ATP1A1: variants seen among roughly 807,000 people sequenced by gnomAD.
The protein encoded by ATP1A1 is sodium/potassium-transporting ATPase subunit alpha-1.
A neutral mutation model predicts 114.8 loss-of-function variants in ATP1A1; 14 were observed. That is an observed-to-expected ratio of 0.12 (90% confidence interval 0.08 to 0.19). The LOEUF (loss-of-function observed/expected upper bound fraction) is 0.19, where lower values mean the gene tolerates loss of function less well. Ranked by LOEUF, ATP1A1 falls within the 10% of genes least tolerant of loss-of-function variation. The pLI is 1.00. For synonymous variants in ATP1A1, 471 were observed against 466.3 expected, an observed-to-expected ratio of 1.01 and a Z score of -0.13; for missense variants, 524 against 1,290.7, an observed-to-expected ratio of 0.41 and a Z score of 9.10.
In ATP1A1 at chr1:116,403,966, C is replaced by T. The variant is rs777250534; in HGVS notation, c.3034C>T (p.Arg1012Cys). The T allele has an allele frequency of 2.2e-5, 36 of 1,613,874 alleles. No homozygotes were observed. Among genetic ancestry groups the T allele is most frequent in the East Asian group, 4.5e-5 (2 of 44,890 alleles). The change falls in exon 22 of 23, where the codon CGC (arginine) becomes TGC (cysteine). Residue 1012 changes from arginine (R) to cysteine (C), a missense_variant. Coordinates refer to ENST00000295598, the MANE Select transcript of ATP1A1 (RefSeq NM_000701.8). ...AGTCAGAAAACTCATCATCAGGCGA[C>T]GCCCTGGCGGTAATTATGGGCATTC... ...DEVRKLIIRRRPGGWVEKETY... is the reference protein window; with the variant it reads ...DEVRKLIIRRCPGGWVEKETY...
chr1:116,374,284 A>G (rs1443749943), intron 1 of ATP1A1: 2 of 1,551,610 alleles, frequency 1.3e-6, no homozygotes, highest in Admixed American at 2.0e-5. Context: ...CCGTAAACAC[A>G]GGATGCACCG....
chr1:116,392,749 C>T (rs1652568768), intron 10 of ATP1A1, 105 bp from the exon 11 acceptor site: 1 of 1,397,270 alleles, frequency 7.2e-7, no homozygotes, highest in Non-Finnish European at 9.7e-7. Context: ...TCCTCTGCTA[C>T]CTCTGACAAG....
intron 21 of ATP1A1, among the ~76,000 whole-genome samples, chr1:116,402,863 TC>T (rs1316206126): frequency 2.0e-5 from 3 of 152,210 alleles, no homozygotes; most frequent in African/African-American, 7.2e-5. Flanking sequence ...TAGGTTTTAA[TC>T]TAGAAGGCAT....
intron 1 of ATP1A1, chr1:116,374,124 C>T (rs551148528): frequency 1.5e-4 from 224 of 1,541,004 alleles, no homozygotes; most frequent in Non-Finnish European, 1.9e-4. Context: ...TAGCTTGCTC[C>T]GCGCAGAGGC....
rs552247746 is a variant in ATP1A1 at position 116,373,459 on chromosome 1, C to T, written c.-53C>T. ...CGGCCGGGAGCTGCTCTGTGCTTTTCTCTCTGATTCTCCAGCGACAGGACC... is the reference window on the plus strand; with the variant it reads ...CGGCCGGGAGCTGCTCTGTGCTTTTTTCTCTGATTCTCCAGCGACAGGACC... On this transcript the variant is annotated 5_prime_UTR_variant, in exon 1 of 23. Coordinates refer to ENST00000295598, the MANE Select transcript of ATP1A1 (RefSeq NM_000701.8). 2 of 1,467,456 alleles carry T rather than the reference C, an allele frequency of 1.4e-6. No individual in the cohort carries two copies. Among genetic ancestry groups the T allele is most frequent in the South Asian group, 2.5e-5 (2 of 80,272 alleles). The allele number at this position is 1,467,456 out of a possible 1,614,324, so 90.9% of individuals were successfully genotyped here.
chr1:116,401,557 C>T lies in ATP1A1; in HGVS notation c.2853C>T (p.Asn951=). 5 of 1,613,882 alleles carry T rather than the reference C, an allele frequency of 3.1e-6. No individual in the cohort carries two copies. Among genetic ancestry groups the T allele is most frequent in the Middle Eastern group, 1.6e-4 (1 of 6,084 alleles). The change falls in exon 21 of 23, where the codon AAC becomes AAT. Residue 951 remains asparagine, a synonymous_variant. Coordinates refer to ENST00000295598, the MANE Select transcript of ATP1A1 (RefSeq NM_000701.8). The surrounding 1 kb of genome is among the most constrained non-coding windows in gnomAD (Gnocchi z 4.7). ...TTCTCCCCTACTTTGATTTTAGGAA[C>T]AAGATCTTGATATTTGGCCTCTTTG... ...RNSVFQQGMK[N]KILIFGLFEE...
rs778261406 is a variant in ATP1A1 at position 116,384,804 on chromosome 1, G to C, written c.145G>C (p.Asp49His). 3 of 1,613,066 alleles carry C rather than the reference G, an allele frequency of 1.9e-6. No homozygotes were observed. Among genetic ancestry groups the C allele is most frequent in the Non-Finnish European group, 2.5e-6 (3 of 1,179,656 alleles). Residue 49 changes from aspartate (D) to histidine (H), a missense_variant, in exon 3 of 23, where the codon GAT becomes CAT. By Grantham distance (81) the Asp-to-His change is moderately conservative. Coordinates refer to ENST00000295598, the MANE Select transcript of ATP1A1 (RefSeq NM_000701.8). This position sits in a 1 kb window ranked among gnomAD's most constrained non-coding sequence, Gnocchi z 5.1. ...VSMDDHKLSL[D>H]ELHRKYGTDL... ...TTAGGATGATCATAAACTTAGCCTT[G>C]ATGAACTTCATCGTAAATATGGAAC... is the stretch of plus-strand genomic sequence containing the variant.
chr1:116,401,303 G>A lies in ATP1A1; in HGVS notation c.2849+43G>A. On this transcript the variant is annotated intron_variant, in intron 20 of 22. Coordinates refer to ENST00000295598, the MANE Select transcript of ATP1A1 (RefSeq NM_000701.8). This position sits in a 1 kb window ranked among gnomAD's most constrained non-coding sequence, Gnocchi z 4.7. Reference sequence around the variant, plus strand: ...TGTCAAGGCCTTGGCTCAAAGAAGGGGACTGGTGATTTGTAAACCCTTTGC... The same window carrying A: ...TGTCAAGGCCTTGGCTCAAAGAAGGAGACTGGTGATTTGTAAACCCTTTGC... The A allele has an allele frequency of 6.2e-6, 10 of 1,611,078 alleles. No homozygotes were observed. Among genetic ancestry groups the A allele is most frequent in the Non-Finnish European group, 8.5e-6 (10 of 1,177,482 alleles).
Position 116,387,934 on chromosome 1 carries a change from A to G in ATP1A1, c.388-197A>G, listed in dbSNP as rs1054945649. ...TTTCCAAACGTCCAGTTAGTGATCA[A>G]GTGTTGGTGTGCCTGACTCCATTTC... On this transcript the variant is annotated intron_variant, in intron 4 of 22. Coordinates refer to ENST00000295598, the MANE Select transcript of ATP1A1 (RefSeq NM_000701.8). This position sits in a 1 kb window ranked among gnomAD's most constrained non-coding sequence, Gnocchi z 6.7. Among the ~76,000 whole-genome samples the G allele has an allele frequency of 5.9e-5, 9 of 152,224 alleles. No homozygotes were observed. Among genetic ancestry groups the G allele is most frequent in the Non-Finnish European group, 1.3e-4 (9 of 68,038 alleles).
At position 116,393,445 on chromosome 1, in the gene ATP1A1, C is replaced by T; in HGVS notation, c.1468-86C>T. ...GATCTTGGGTCTTTTATAGCAAATA[C>T]TAAATAGTAAGTGAAGCTTTGTTTT... On this transcript the variant is annotated intron_variant, in intron 11 of 22. Transcript: ENST00000295598. This position sits in a 1 kb window ranked among gnomAD's most constrained non-coding sequence, Gnocchi z 5.0. The T allele has an allele frequency of 7.1e-7, 1 of 1,408,416 alleles. No individual in the cohort carries two copies. Among genetic ancestry groups the T allele is most frequent in the Non-Finnish European group, 9.6e-7 (1 of 1,038,888 alleles). 87.2% of individuals were successfully genotyped at this position (1,408,416 alleles called of 1,614,324 possible). A position where few individuals can be genotyped will look rare whatever the true frequency, so the allele number is the denominator to read the frequency against.
chr1:116,382,045 A>C (rs1651780000), intron 1 of ATP1A1, among the ~76,000 whole-genome samples: 1 of 152,090 alleles, frequency 6.6e-6, no homozygotes, highest in Admixed American at 6.5e-5. Context: ...CGTGGTGGCG[A>C]GCGCCTATAA....
At chr1:116,396,902 A>C (rs1652976525) in intron 14 of ATP1A1, among the ~76,000 whole-genome samples, 168 bp downstream of exon 14, 1 of 152,248 alleles carries the variant, frequency 6.6e-6, no homozygotes, top group African/African-American at 2.4e-5. Flanking sequence ...GTTTTAAGTA[A>C]GAGCAAGTCA....
At chr1:116,375,070 C>G (rs1342137149) in intron 1 of ATP1A1, among the ~76,000 whole-genome samples, 1 of 152,180 alleles carries the variant, frequency 6.6e-6, no homozygotes, top group African/African-American at 2.4e-5. Context: ...ACCGTCAAAC[C>G]CTTGATCATT....
At position 116,396,694 on chromosome 1, in the gene ATP1A1, G is replaced by T; in HGVS notation, c.1933G>T (p.Ala645Ser). 6.2e-7 allele frequency: 1 copy of T among 1,600,302 alleles called. No homozygotes were observed. Among genetic ancestry groups the T allele is most frequent in the Non-Finnish European group, 8.5e-7 (1 of 1,172,104 alleles). ...AGGCAATGAGACCGTGGAAGACATTGCTGCCCGCCTCAACATCCCAGTCAG... is the reference window on the plus strand; with the variant it reads ...AGGCAATGAGACCGTGGAAGACATTTCTGCCCGCCTCAACATCCCAGTCAG... The part of the protein sequence containing the change: ...SEGNETVEDI[A>S]ARLNIPVSQV... Residue 645 changes from alanine (A) to serine (S), a missense_variant, in exon 14 of 23, where the codon GCT (alanine) becomes TCT (serine). Ala to Ser is a moderately conservative substitution (Grantham distance 99). Transcript: ENST00000295598.
At position 116,384,069 on chromosome 1, in the gene ATP1A1, G is replaced by A. The variant is rs772388569; in HGVS notation, c.68G>A (p.Gly23Asp). The stretch of plus-strand genomic sequence containing the variant: ...GTTTCAGAACAAGGTGATAAAAAGG[G>A]CAAAAAGGGCAAAAAAGACAGGGAC... Reference protein sequence around the residue: ...AAVSEQGDKKGKKGKKDRDMD... With the variant: ...AAVSEQGDKKDKKGKKDRDMD... The change falls in exon 2 of 23, where the codon GGC becomes GAC. Residue 23 changes from glycine (G) to aspartate (D), a missense_variant. Gly to Asp is a moderately conservative substitution (Grantham distance 94). Coordinates refer to ENST00000295598, the MANE Select transcript of ATP1A1 (RefSeq NM_000701.8). The surrounding 1 kb of genome is among the most constrained non-coding windows in gnomAD (Gnocchi z 5.1). 14 of 1,613,850 alleles carry A rather than the reference G, an allele frequency of 8.7e-6. No individual in the cohort carries two copies. The South Asian group carries it at 1.4e-4, about 16-fold the overall frequency.
At position 116,401,489 on chromosome 1, in the gene ATP1A1, A is replaced by G; in HGVS notation, c.2850-65A>G. ...AGATGTTGATCTGCCATTTTAATGC[A>G]TAGCATTAGAAGATAAACCTTTATT... On this transcript the variant is annotated intron_variant, in intron 20 of 22. Transcript: ENST00000295598. This position sits in a 1 kb window ranked among gnomAD's most constrained non-coding sequence, Gnocchi z 4.7. The G allele has an allele frequency of 2.6e-6, 4 of 1,512,274 alleles. No individual in the cohort carries two copies. Among genetic ancestry groups the G allele is most frequent in the Non-Finnish European group, 3.7e-6 (4 of 1,091,410 alleles). The allele number at this position is 1,512,274 out of a possible 1,614,324, so 93.7% of individuals were successfully genotyped here. A position where few individuals can be genotyped will look rare whatever the true frequency, so the allele number is the denominator to read the frequency against.
chr1:116,390,038 C>T (rs1652341944), intron 8 of ATP1A1, 175 bp from the exon 9 acceptor site: 1 of 724,794 alleles, frequency 1.4e-6, no homozygotes. Context: ...GATTGCTTTT[C>T]TGGAAGGAAG....
chr1:116,375,855 C>T (rs1456344725), intron 1 of ATP1A1, among the ~76,000 whole-genome samples: 1 of 152,218 alleles, frequency 6.6e-6, no homozygotes, highest in Non-Finnish European at 1.5e-5. Context: ...TCTTCCCCTC[C>T]TCTCCTCAGT....
rs995221422 is a variant in ATP1A1 at position 116,381,790 on chromosome 1, T to C, written c.13-2224T>C. Among the ~76,000 whole-genome samples the C allele has an allele frequency of 2.6e-5, 4 of 152,218 alleles. No individual in the cohort carries two copies. Among genetic ancestry groups the C allele is most frequent in the Middle Eastern group, 3.2e-3 (1 of 316 alleles). The stretch of plus-strand genomic sequence containing the variant: ...TCTGAGAATAAGCAAAGCATGCAGA[T>C]TATGAAGCTGAGGGGTTATAACTAT... On this transcript the variant is annotated intron_variant, in intron 1 of 22. Transcript: ENST00000295598. This position sits in a 1 kb window ranked among gnomAD's most constrained non-coding sequence, Gnocchi z 5.1.
Sources: allele counts gnomAD v4.1 joint callset (sites outside exome capture counted in the v4.1 genomes callset), GRCh38; gene constraint gnomAD v4.1.1; non-coding constraint Gnocchi (gnomAD v3.1); transcripts MANE v1.5; gene names NCBI Gene and HGNC (gene_info 2026-07-23, HGNC 2026-07-21).